The following SMG6 variants were observed in gnomAD, a reference collection of about 807,000 sequenced individuals.
SMG6 encodes the protein SMG6 nonsense mediated mRNA decay factor, also known as telomerase-binding protein EST1A.
In SMG6, 66 loss-of-function variants were observed where a neutral mutation model predicts 142.2. The observed-to-expected ratio is 0.46, with a 90% CI of 0.38 to 0.57. SMG6 has a LOEUF of 0.57. Ranked by LOEUF, SMG6 falls within the 20% of genes least tolerant of loss-of-function variation. SMG6 has a pLI of 0.00. For synonymous variants in SMG6, 779 were observed against 702.4 expected (o/e 1.11, Z -1.72); for missense variants, 1,793 against 1,832.0 (o/e 0.98, Z 0.39).
intron 13 of SMG6, among the ~76,000 whole-genome samples, chr17:2,132,070 C>G (rs2070139355): frequency 6.6e-6 from 1 of 151,464 alleles, no homozygotes; most frequent in Non-Finnish European, 1.5e-5. Flanking sequence ...AAGACTCTGT[C>G]TCCAAAAAAA....
At chr17:2,148,715 C>T (rs992207612) in intron 13 of SMG6, among the ~76,000 whole-genome samples, 1 of 151,966 alleles carries the variant, frequency 6.6e-6, no homozygotes, top group Non-Finnish European at 1.5e-5. Context: ...AAAAATTAGC[C>T]AGGTGTGGTG....
chr17:2,186,800 G>C lies in SMG6; in HGVS notation c.3018C>G (p.Asp1006Glu). The part of the protein sequence containing the change: ...AQLSSPEDQD[D>E]QDDIKVSSFV... ...AGGAAGACACCTTGATGTCGTCTTG[G>C]TCATCCTGGTCCTCAGGAGAGGACA... Residue 1006 changes from aspartate to glutamate, a missense_variant, in exon 12 of 19, where the codon GAC (aspartate) becomes GAG (glutamate). Asp to Glu is a conservative substitution (Grantham distance 45, BLOSUM62 2). Transcript: ENST00000263073. The C allele has an allele frequency of 6.2e-7, 1 of 1,614,178 alleles. No individual in the cohort carries two copies. The highest frequency in any genetic ancestry group is 8.5e-7 in the Non-Finnish European group (1 of 1,180,024).
chr17:2,090,427 G>A (rs1365137972), intron 13 of SMG6, among the ~76,000 whole-genome samples: 1 of 152,092 alleles, frequency 6.6e-6, no homozygotes, highest in African/African-American at 2.4e-5. Context: ...TAACACCTCA[G>A]GGCAGCCCCG....
intron 8 of SMG6, among the ~76,000 whole-genome samples, chr17:2,280,786 T>G (rs983915139): frequency 1.3e-5 from 2 of 152,182 alleles, no homozygotes; most frequent in African/African-American, 2.4e-5. Flanking sequence ...TTTGTATAAT[T>G]AGAAATAAAA....
In SMG6 at chr17:2,136,014, G is replaced by A. The variant is rs868359719; in HGVS notation, c.3357+36644C>T. Among the ~76,000 whole-genome samples the A allele has an allele frequency of 9.3e-5, 14 of 150,416 alleles. No individual in the cohort carries two copies. The East Asian group carries it at 1.6e-3, about 17-fold the overall frequency. Reference sequence around the variant, plus strand: ...TATATTTATGTGTGTGTGTGTGTGTGTGTGTGTGTGTGTGTGTGTGTGTCT... The same window carrying A: ...TATATTTATGTGTGTGTGTGTGTGTATGTGTGTGTGTGTGTGTGTGTGTCT... On this transcript the variant is annotated intron_variant, in intron 13 of 18. Transcript: ENST00000263073.
At chr17:2,273,951 T>C (rs1349067081) in intron 8 of SMG6, among the ~76,000 whole-genome samples, 1 of 152,244 alleles carries the variant, frequency 6.6e-6, no homozygotes, top group Non-Finnish European at 1.5e-5. Flanking sequence ...ATTGAATGTA[T>C]AGAACATAAC....
chr17:2,234,520 C>T (rs2073594070), intron 10 of SMG6, among the ~76,000 whole-genome samples: 1 of 152,124 alleles, frequency 6.6e-6, no homozygotes, highest in South Asian at 2.1e-4. Context: ...GCCTTGGCCT[C>T]CCAAAGCGCT....
intron 10 of SMG6, 112 bp downstream of exon 10, chr17:2,236,380 T>G: frequency 9.7e-7 from 1 of 1,035,240 alleles, no homozygotes; most frequent in Non-Finnish European, 1.4e-6. Flanking sequence ...GGTGTGTGTG[T>G]TCGGGGGTGG....
chr17:2,168,449 T>C (rs974038118), intron 13 of SMG6, among the ~76,000 whole-genome samples: 18 of 152,090 alleles, frequency 1.2e-4, no homozygotes, highest in African/African-American at 3.6e-4. Context: ...TCCCAGAGTG[T>C]TGGGATTACA....
intron 13 of SMG6, among the ~76,000 whole-genome samples, chr17:2,129,356 C>G (rs1023752388): frequency 6.6e-6 from 1 of 151,888 alleles, no homozygotes; most frequent in Non-Finnish European, 1.5e-5. Flanking sequence ...CCCATATAAA[C>G]AGGTTAAAAA....
intron 8 of SMG6, among the ~76,000 whole-genome samples, chr17:2,266,961 TG>T (rs2074434962): frequency 6.6e-6 from 1 of 152,156 alleles, no homozygotes; most frequent in African/African-American, 2.4e-5. Context: ...CCCACTAAGC[TG>T]TTTCTCATGG....
rs144439536 is a variant in SMG6, at chr17:2,299,705, G to A, written c.1048C>T (p.Leu350Phe). 6.2e-7 allele frequency: 1 copy of A among 1,614,182 alleles called. No individual in the cohort carries two copies. Among genetic ancestry groups the A allele is most frequent in the Non-Finnish European group, 8.5e-7 (1 of 1,180,024 alleles). Residue 350 changes from leucine to phenylalanine, a missense_variant, in exon 2 of 19, where the codon CTT (leucine) becomes TTT (phenylalanine). Physicochemically the swap from Leu to Phe is conservative, Grantham distance 22. Around this residue, in one of 3 missense-constraint regions of SMG6, gnomAD observed 1,597 missense variants for 1,584.6 expected, o/e 1.01. Coordinates refer to ENST00000263073, the MANE Select transcript of SMG6 (RefSeq NM_017575.5). This position sits in a 1 kb window ranked among gnomAD's most constrained non-coding sequence, Gnocchi z 4.3. ...KNSAKEYRGT[L>F]RVTFDAEAMN... ...GCTTCTGCATCGAAAGTGACACGAA[G>A]AGTGCCTCGATATTCTTTAGCACTG...
intron 18 of SMG6, chr17:2,062,561 TA>T (rs1297135845): frequency 6.6e-6 from 1 of 152,106 alleles, no homozygotes; most frequent in African/African-American, 2.4e-5. Context: ...CCCTAATCTT[TA>T]ACACATTGGA....
intron 8 of SMG6, among the ~76,000 whole-genome samples, chr17:2,258,072 T>C (rs1387384133): frequency 7.0e-6 from 1 of 142,920 alleles, no homozygotes; most frequent in Non-Finnish European, 1.5e-5. Flanking sequence ...CACACATATA[T>C]ATACATATAT....
chr17:2,126,263 T>G (rs2069873654), intron 13 of SMG6, among the ~76,000 whole-genome samples: 1 of 152,066 alleles, frequency 6.6e-6, no homozygotes. Context: ...AGAATGAAGC[T>G]GAACCCTTAC....
chr17:2,268,226 T>C (rs1219429299), intron 8 of SMG6, among the ~76,000 whole-genome samples: 1 of 152,198 alleles, frequency 6.6e-6, no homozygotes, highest in Non-Finnish European at 1.5e-5. Context: ...CTAAGCTTCA[T>C]AATGGGTACT....
At chr17:2,220,260 T>A (rs2073135759) in intron 10 of SMG6, among the ~76,000 whole-genome samples, 1 of 152,170 alleles carries the variant, frequency 6.6e-6, no homozygotes, top group Non-Finnish European at 1.5e-5. Context: ...GAGATGTTAA[T>A]TACAGCTTTA....
rs888662968 is a variant in SMG6, at chr17:2,081,902, C to T, written c.3589G>A (p.Gly1197Arg). ...AGCTCCCTGATGTCATCCTCGCCTC[C>T]GCTGCCTTCAGCCTCTGAATCTTCC... ...FEEDSEAEGS[G>R]GEDDIRELRA... is the part of the protein sequence containing the mutation. Residue 1197 changes from glycine (G) to arginine (R), a missense_variant, in exon 15 of 19, where the codon GGA becomes AGA. This residue lies in a region of SMG6 where 1,597 missense variants were observed against 1,584.6 expected (regional missense o/e 1.01). Coordinates refer to ENST00000263073, the MANE Select transcript of SMG6 (RefSeq NM_017575.5). 30 of 1,614,182 alleles carry T rather than the reference C, an allele frequency of 1.9e-5. No individual in the cohort carries two copies. The highest frequency in any genetic ancestry group is 7.7e-5 in the South Asian group (7 of 91,084).
At chr17:2,135,053 T>C (rs2070250638) in intron 13 of SMG6, among the ~76,000 whole-genome samples, 1 of 152,172 alleles carries the variant, frequency 6.6e-6, no homozygotes, top group Non-Finnish European at 1.5e-5. Flanking sequence ...CTAATTTTTG[T>C]ATTTTTAGTA....
Sources: allele counts gnomAD v4.1 joint callset (sites outside exome capture counted in the v4.1 genomes callset), GRCh38; gene constraint gnomAD v4.1.1; regional missense constraint gnomAD v4.1.1; non-coding constraint Gnocchi (gnomAD v3.1); transcripts MANE v1.5; gene names NCBI Gene and HGNC (gene_info 2026-07-23, HGNC 2026-07-21).